Variants in SLC23A2 observed in about 807,000 individuals in gnomAD.
SLC23A2 encodes Na(+)/L-ascorbic acid transporter 2.
A neutral mutation model predicts 73.3 loss-of-function variants in SLC23A2; 36 were observed. That is an observed-to-expected ratio of 0.49 (90% CI 0.38 to 0.65). The LOEUF (loss-of-function observed/expected upper bound fraction) is 0.65. Ranked by LOEUF, SLC23A2 falls within the 30% of genes least tolerant of loss-of-function variation. The pLI is 0.00. For synonymous variants in SLC23A2, 343 were observed against 327.3 expected, an observed-to-expected ratio of 1.05 and a Z score of -0.52; for missense variants, 507 against 841.6, an observed-to-expected ratio of 0.60 and a Z score of 4.92.
intron 2 of SLC23A2, among the ~76,000 whole-genome samples, chr20:4,950,451 T>C (rs941718146): frequency 2.0e-5 from 3 of 152,186 alleles, no homozygotes; most frequent in African/African-American, 7.2e-5. Flanking sequence ...AGCTGACTGC[T>C]GGGGTCCAGT....
chr20:4,915,920 C>G lies in SLC23A2; in HGVS notation c.109-2942G>C, dbSNP rs189558404. Among the ~76,000 whole-genome samples, 257 of 152,000 alleles carry G rather than the reference C, an allele frequency of 1.7e-3. 1 individual carries two copies. Among genetic ancestry groups the G allele is most frequent in the Admixed American group, 2.1e-3 (32 of 15,264 alleles). On this transcript the variant is annotated intron_variant, in intron 3 of 16. Transcript: ENST00000338244. ...CCGAGATTGTGCCACTGTACTCCAC[C>G]CTGGTCAACAGAGCGAGACTCCATC...
intron 2 of SLC23A2, among the ~76,000 whole-genome samples, chr20:4,940,898 G>A (rs1267561815): frequency 1.3e-5 from 2 of 152,332 alleles, no homozygotes; most frequent in East Asian, 3.9e-4. Flanking sequence ...GCTCACGCCT[G>A]TAATCCCAGC....
intron 6 of SLC23A2, among the ~76,000 whole-genome samples, chr20:4,896,607 A>AC (rs1157645946): frequency 6.6e-6 from 1 of 152,012 alleles, no homozygotes; most frequent in Admixed American, 6.6e-5. Flanking sequence ...GCAGGAAGGG[A>AC]CCCCCAGGAC....
intron 1 of SLC23A2, among the ~76,000 whole-genome samples, chr20:5,008,098 T>C (rs372294048): frequency 9.5e-4 from 145 of 152,200 alleles, no homozygotes; most frequent in African/African-American, 2.5e-3. Context: ...TTAGTAGAGA[T>C]GGGGTTTCAC....
At chr20:4,973,071 T>C (rs1486027504) in intron 1 of SLC23A2, among the ~76,000 whole-genome samples, 1 of 152,252 alleles carries the variant, frequency 6.6e-6, no homozygotes, top group Non-Finnish European at 1.5e-5. Context: ...ATACAGGTTG[T>C]ACAATATGTG....
In SLC23A2 at chr20:4,947,942, T is replaced by C. The variant is rs563637142; in HGVS notation, c.-154-15226A>G. ...TTGATGCTCCCCCTGGCTCACCCAATACAAAAATCTTGGGAGCCTGGATAA... is the reference window on the plus strand; with the variant it reads ...TTGATGCTCCCCCTGGCTCACCCAACACAAAAATCTTGGGAGCCTGGATAA... On this transcript the variant is annotated intron_variant, in intron 2 of 16. Transcript: ENST00000338244. This position sits in a 1 kb window ranked among gnomAD's most constrained non-coding sequence, Gnocchi z 4.4. 7.9e-5 allele frequency among the ~76,000 whole-genome samples: 12 copies of C among 152,332 alleles called. No individual in the cohort carries two copies. Among genetic ancestry groups the C allele is most frequent in the Admixed American group, 5.9e-4 (9 of 15,296 alleles).
At chr20:4,888,976 C>T (rs571185520) in intron 6 of SLC23A2, among the ~76,000 whole-genome samples, 2 of 152,212 alleles carry the variant, frequency 1.3e-5, no homozygotes, top group Admixed American at 6.5e-5. Context: ...AGACTGACAA[C>T]CCCTGTGCCA....
chr20:4,948,279 T>G (rs6052978), intron 2 of SLC23A2, among the ~76,000 whole-genome samples: 33 of 152,332 alleles, frequency 2.2e-4, no homozygotes, highest in African/African-American at 7.7e-4. Flanking sequence ...TTGCCTCTAT[T>G]TCCTAACTAC....
At chr20:4,901,671 C>T (rs1931750824) in intron 5 of SLC23A2, among the ~76,000 whole-genome samples, 1 of 152,154 alleles carries the variant, frequency 6.6e-6, no homozygotes, top group African/African-American at 2.4e-5. Context: ...GCTGCTGCTA[C>T]CATGGCAAGT....
At chr20:5,009,398 T>G (rs921724449) in intron 1 of SLC23A2, among the ~76,000 whole-genome samples, 1 of 152,132 alleles carries the variant, frequency 6.6e-6, no homozygotes, top group African/African-American at 2.4e-5. Context: ...CCTTGGCCTC[T>G]CCTGGAACCA....
intron 11 of SLC23A2, 195 bp downstream of exon 11, chr20:4,873,741 C>T (rs1276803852): frequency 1.6e-5 from 8 of 494,362 alleles, no homozygotes; most frequent in East Asian, 3.4e-5. Flanking sequence ...AGAAGGGAGC[C>T]GGTCAGTCTC....
chr20:4,990,719 C>T lies in SLC23A2; in HGVS notation c.-282+10687G>A, dbSNP rs973530236. 1.7e-4 allele frequency among the ~76,000 whole-genome samples: 25 copies of T among 150,950 alleles called. 1 individual carries two copies. The highest frequency in any genetic ancestry group is 6.6e-4 in the Admixed American group (10 of 15,196). On this transcript the variant is annotated intron_variant, in intron 1 of 16. Coordinates refer to ENST00000338244, the MANE Select transcript of SLC23A2 (RefSeq NM_005116.6). ...AAACAAGGCCGGGCACAGTGGCTCA[C>T]GCCTGTAATTCCCAGCACTGTTGGA...
At chr20:4,877,845 C>T (rs1446687732) in intron 9 of SLC23A2, among the ~76,000 whole-genome samples, 3 of 152,236 alleles carry the variant, frequency 2.0e-5, no homozygotes, top group Admixed American at 2.0e-4. Context: ...CTACCAAGGA[C>T]GTATGCACTG....
chr20:4,984,531 C>G lies in SLC23A2; in HGVS notation c.-281-13612G>C, dbSNP rs192128460. On this transcript the variant is annotated intron_variant, in intron 1 of 16. Transcript: ENST00000338244. The stretch of plus-strand genomic sequence containing the variant: ...TTGCACCACTGCACTCCAGCCTGGG[C>G]AACAGAGCAAGACTCTGTCTCAAAA... Among the ~76,000 whole-genome samples, 13 of 144,576 alleles carry G rather than the reference C, an allele frequency of 9.0e-5. No individual in the cohort carries two copies. In the East Asian group the frequency reaches 2.4e-3, roughly 27 times the overall value. The allele number at this position is 144,576 out of a possible 152,430, so 94.8% of individuals were successfully genotyped here.
At chr20:4,991,355 C>T (rs2087919785) in intron 1 of SLC23A2, among the ~76,000 whole-genome samples, 1 of 152,138 alleles carries the variant, frequency 6.6e-6, no homozygotes, top group Admixed American at 6.6e-5. Flanking sequence ...AGCAATCTTC[C>T]CATGTCGGCT....
chr20:4,993,314 A>AG (rs959688575), intron 1 of SLC23A2, among the ~76,000 whole-genome samples: 1 of 151,398 alleles, frequency 6.6e-6, no homozygotes, highest in Non-Finnish European at 1.5e-5. Flanking sequence ...TCTCAAAAAA[A>AG]AAAAAAAAGG....
chr20:4,887,759 G>A (rs1431470381), intron 6 of SLC23A2, among the ~76,000 whole-genome samples: 1 of 152,222 alleles, frequency 6.6e-6, no homozygotes, highest in African/African-American at 2.4e-5. Flanking sequence ...GCTCATGCCA[G>A]CATTATGTGT....
intron 2 of SLC23A2, among the ~76,000 whole-genome samples, chr20:4,950,255 A>G (rs77639263): frequency 0.028 from 4,256 of 152,350 alleles, 196 homozygotes; most frequent in African/African-American, 0.097. Flanking sequence ...GTTCAGATGA[A>G]TAAGTCCACC....
At chr20:4,948,362 G>A (rs888288667) in intron 2 of SLC23A2, among the ~76,000 whole-genome samples, 7 of 152,156 alleles carry the variant, frequency 4.6e-5, no homozygotes, top group African/African-American at 1.4e-4. Flanking sequence ...CCACTTTCCC[G>A]GTCTCATCTG....
Sources: allele counts gnomAD v4.1 joint callset (sites outside exome capture counted in the v4.1 genomes callset), GRCh38; gene constraint gnomAD v4.1.1; non-coding constraint Gnocchi (gnomAD v3.1); transcripts MANE v1.5; gene names NCBI Gene and HGNC (gene_info 2026-07-23, HGNC 2026-07-21).